ETFA: variants seen among roughly 807,000 people sequenced by gnomAD.
ETFA encodes electron transfer flavoprotein subunit alpha.
A neutral mutation model predicts 46.2 loss-of-function variants in ETFA; 22 were observed. The ratio of observed to expected loss-of-function variants is 0.48; its 90% confidence interval spans 0.34 to 0.68. ETFA has a LOEUF of 0.68. Ranked by LOEUF, ETFA falls within the 30% of genes least tolerant of loss-of-function variation. The pLI is 0.01. For synonymous variants in ETFA, 131 were observed against 139.9 expected (o/e 0.94, Z 0.45); for missense variants, 345 against 401.1 (o/e 0.86, Z 1.19).
intron 5 of ETFA, among the ~76,000 whole-genome samples, chr15:76,287,487 C>T (rs1239852750): frequency 6.6e-6 from 1 of 152,110 alleles, no homozygotes; most frequent in Non-Finnish European, 1.5e-5. Context: ...TTCTTAATGC[C>T]TATGGAAATG....
intron 8 of ETFA, among the ~76,000 whole-genome samples, chr15:76,276,039 A>G (rs1038188736): frequency 6.6e-6 from 1 of 151,952 alleles, no homozygotes; most frequent in African/African-American, 2.4e-5. Context: ...ACCTTCACTC[A>G]TTCCCTCTTC....
In ETFA at chr15:76,259,788, T is replaced by C. The variant is rs147556377; in HGVS notation, c.816+14624A>G. ...AAGTTCCGAGAGCTCAGGTACTCCA[T>C]GCTGCAGGCAATGTCCACCATGAAC... On this transcript the variant is annotated intron_variant, in intron 9 of 11. Transcript: ENST00000557943. 1.4e-3 allele frequency: 2,314 copies of C among 1,603,346 alleles called. 33 individuals carry two copies. In the African/African-American group the frequency reaches 0.028, roughly 19 times the overall value.
rs182667153 is a variant in ETFA, at chr15:76,239,352, G to A, written c.817-7954C>T. Among the ~76,000 whole-genome samples, 514 of 152,216 alleles carry A rather than the reference G, an allele frequency of 3.4e-3. 4 individuals are homozygous for A. The highest frequency in any genetic ancestry group is 0.012 in the African/African-American group (498 of 41,522). On this transcript the variant is annotated intron_variant, in intron 9 of 11. Transcript: ENST00000557943. ...ATTATGAAATAATTACCACAATCAG[G>A]CTAATTAACATATCTATCACATCAC...
At chr15:76,294,794 C>A (rs1410186073) in intron 2 of ETFA, among the ~76,000 whole-genome samples, 1 of 152,140 alleles carries the variant, frequency 6.6e-6, no homozygotes, top group Non-Finnish European at 1.5e-5. Flanking sequence ...AGTGATCTAC[C>A]CACCTCAGCT....
intron 9 of ETFA, among the ~76,000 whole-genome samples, chr15:76,266,345 G>A (rs2039470374): frequency 6.6e-6 from 1 of 152,180 alleles, no homozygotes; most frequent in Non-Finnish European, 1.5e-5. Flanking sequence ...ACTGCCACAA[G>A]GCATATTAAA....
intron 9 of ETFA, among the ~76,000 whole-genome samples, chr15:76,249,249 C>T (rs1184329660): frequency 6.6e-6 from 1 of 151,592 alleles, no homozygotes; most frequent in Non-Finnish European, 1.5e-5. Context: ...CTGCCTTAGC[C>T]TCCCAAGTAA....
At chr15:76,223,905 A>C (rs2038980912) in intron 11 of ETFA, among the ~76,000 whole-genome samples, 1 of 152,234 alleles carries the variant, frequency 6.6e-6, no homozygotes, top group South Asian at 2.1e-4. Flanking sequence ...GAAAATTTCC[A>C]ACTGCTTAAC....
In ETFA at chr15:76,259,673, T is replaced by C. The variant is rs564000660; in HGVS notation, c.816+14739A>G. On this transcript the variant is annotated intron_variant, in intron 9 of 11. Transcript: ENST00000557943. ...AGCCCTAACAATAGTAGCCCCGCTGTAGATCTTCCAGGAGAGTCCAAAGTC... is the reference window on the plus strand; with the variant it reads ...AGCCCTAACAATAGTAGCCCCGCTGCAGATCTTCCAGGAGAGTCCAAAGTC... 4 of 1,017,536 alleles carry C rather than the reference T, an allele frequency of 3.9e-6. No individual in the cohort carries two copies. The African/African-American group carries it at 4.7e-5, about 12-fold the overall frequency. The allele number at this position is 1,017,536 out of a possible 1,614,324, so 63.0% of individuals were successfully genotyped here. A position where few individuals can be genotyped will look rare whatever the true frequency, so the allele number is the denominator to read the frequency against.
At chr15:76,273,927 A>G (rs1264095123) in intron 9 of ETFA, among the ~76,000 whole-genome samples, 1 of 152,198 alleles carries the variant, frequency 6.6e-6, no homozygotes, top group Non-Finnish European at 1.5e-5. Flanking sequence ...GTAGAACAGA[A>G]TTTTCTGAAA....
chr15:76,235,398 C>A (rs60159429), intron 9 of ETFA, among the ~76,000 whole-genome samples: 1 of 152,178 alleles, frequency 6.6e-6, no homozygotes, highest in African/African-American at 2.4e-5. Flanking sequence ...ATTACAATAA[C>A]TTTCCAACAG....
intron 9 of ETFA, among the ~76,000 whole-genome samples, chr15:76,243,408 T>C (rs1174960326): frequency 6.6e-6 from 1 of 151,948 alleles, no homozygotes; most frequent in African/African-American, 2.4e-5. Context: ...CATTCTAGAA[T>C]CTTGTGGTAA....
At chr15:76,225,803 C>T (rs779382362) in intron 11 of ETFA, 46 bp downstream of exon 11, 29 of 1,147,452 alleles carry the variant, frequency 2.5e-5, no homozygotes, top group Admixed American at 1.2e-4. Context: ...GAGAGTTTCT[C>T]GGATGACAAT....
At chr15:76,264,117 T>C (rs2039447124) in intron 9 of ETFA, among the ~76,000 whole-genome samples, 1 of 152,240 alleles carries the variant, frequency 6.6e-6, no homozygotes, top group African/African-American at 2.4e-5. Context: ...ACTCTTCCTT[T>C]TAAGTTTTAA....
chr15:76,273,146 A>C (rs1011548922), intron 9 of ETFA, among the ~76,000 whole-genome samples: 3 of 152,168 alleles, frequency 2.0e-5, no homozygotes, highest in African/African-American at 4.8e-5. Flanking sequence ...GGAAAAATAC[A>C]ACACACATCT....
At chr15:76,301,877 G>C (rs180743377) in intron 1 of ETFA, among the ~76,000 whole-genome samples, 1 of 152,146 alleles carries the variant, frequency 6.6e-6, no homozygotes, top group African/African-American at 2.4e-5. Flanking sequence ...GATTTAAATA[G>C]GGGGAAAGGA....
intron 9 of ETFA, among the ~76,000 whole-genome samples, chr15:76,270,045 C>G (rs1344612414): frequency 2.0e-5 from 3 of 152,152 alleles, no homozygotes; most frequent in African/African-American, 4.8e-5. Flanking sequence ...CAAATTAAAA[C>G]CAGTAACATC....
At chr15:76,242,296 C>T (rs1268201859) in intron 9 of ETFA, among the ~76,000 whole-genome samples, 1 of 152,192 alleles carries the variant, frequency 6.6e-6, no homozygotes, top group African/African-American at 2.4e-5. Flanking sequence ...CCCTGGGAAA[C>T]AGAGCTGCCA....
chr15:76,276,541 C>T (rs1479333025), intron 8 of ETFA, among the ~76,000 whole-genome samples: 1 of 152,102 alleles, frequency 6.6e-6, no homozygotes, highest in Non-Finnish European at 1.5e-5. Context: ...TCTCTCTTCT[C>T]CTTCTAGTAT....
At chr15:76,232,852 G>A (rs2039083511) in intron 9 of ETFA, among the ~76,000 whole-genome samples, 1 of 152,156 alleles carries the variant, frequency 6.6e-6, no homozygotes, top group Non-Finnish European at 1.5e-5. Flanking sequence ...TACAATAAGT[G>A]ATCCCTCAGC....
Sources: gnomAD v4.1 joint callset for allele counts (sites outside exome capture counted in the v4.1 genomes callset) on GRCh38, gnomAD v4.1.1 for gene constraint, MANE v1.5 for transcripts, NCBI Gene and HGNC (gene_info 2026-07-23, HGNC 2026-07-21) for gene names.